The following ATXN1 variants were observed in gnomAD, a reference collection of about 807,000 sequenced individuals.
ATXN1 encodes the protein ataxin 1.
In ATXN1, 8 loss-of-function variants were observed where a neutral mutation model predicts 56.4. The ratio of observed to expected loss-of-function variants is 0.14; its 90% confidence interval spans 0.08 to 0.26. The LOEUF is 0.26. Ranked by LOEUF, ATXN1 falls within the 10% of genes least tolerant of loss-of-function variation. The pLI is 1.00. For synonymous variants in ATXN1, 514 were observed against 494.6 expected (o/e 1.04, Z -0.52); for missense variants, 987 against 1,106.5 (o/e 0.89, Z 1.53).
chr6:16,485,910 A>C (rs1317364832), intron 6 of ATXN1, 62 bp downstream of exon 6: 2 of 152,202 alleles, frequency 1.3e-5, no homozygotes, highest in African/African-American at 2.4e-5. Context: ...CGGTTACATC[A>C]AGTGATTCAT....
Position 16,374,899 on chromosome 6 carries a change from C to T in ATXN1, c.-160-46429G>A, listed in dbSNP as rs542791305. Among the ~76,000 whole-genome samples, 194 of 152,332 alleles carry T rather than the reference C, an allele frequency of 1.3e-3. 1 individual carries two copies. Among genetic ancestry groups the T allele is most frequent in the African/African-American group, 4.3e-3 (178 of 41,562 alleles). Reference sequence around the variant, plus strand: ...ACAAGAGGAGGGTATGGCATTAACCCGAGCCCCTGAATATGTCTAATTCTG... The same window carrying T: ...ACAAGAGGAGGGTATGGCATTAACCTGAGCCCCTGAATATGTCTAATTCTG... On this transcript the variant is annotated intron_variant, in intron 6 of 7. Transcript: ENST00000436367.
At position 16,683,735 on chromosome 6, in the gene ATXN1, G is replaced by A. The variant is rs142975616; in HGVS notation, c.-614-25834C>T. On this transcript the variant is annotated intron_variant, in intron 2 of 7. Coordinates refer to ENST00000436367, the MANE Select transcript of ATXN1 (RefSeq NM_001128164.2). ...ACAAACATGCTTGGCAACTAGTGCC[G>A]GAGGGTTAACCAGAGAGTTTTCTTC... Among the ~76,000 whole-genome samples the A allele has an allele frequency of 2.2e-3, 330 of 152,340 alleles. 2 individuals carry two copies. Among genetic ancestry groups the A allele is most frequent in the Admixed American group, 4.6e-3 (70 of 15,308 alleles).
chr6:16,513,518 C>T (rs1000477289), intron 5 of ATXN1, among the ~76,000 whole-genome samples: 4 of 152,138 alleles, frequency 2.6e-5, no homozygotes, highest in African/African-American at 9.7e-5. Flanking sequence ...TAAATATGCA[C>T]CTCCCCCGGA....
chr6:16,378,128 A>T (rs1762180021), intron 6 of ATXN1, among the ~76,000 whole-genome samples: 1 of 152,168 alleles, frequency 6.6e-6, no homozygotes. Flanking sequence ...CCCTTTGTCT[A>T]TGCCAGGTGG....
At chr6:16,573,560 C>T (rs755199319) in intron 4 of ATXN1, among the ~76,000 whole-genome samples, 4 of 152,140 alleles carry the variant, frequency 2.6e-5, no homozygotes, top group Non-Finnish European at 2.9e-5. Context: ...CACACAAACT[C>T]ACTGAGCCCC....
chr6:16,378,461 G>C (rs1381361827), intron 6 of ATXN1, among the ~76,000 whole-genome samples: 1 of 152,164 alleles, frequency 6.6e-6, no homozygotes. Context: ...GTAACTTGTG[G>C]AGCCAGGACT....
At chr6:16,461,834 G>A (rs1359896972) in intron 6 of ATXN1, among the ~76,000 whole-genome samples, 4 of 152,124 alleles carry the variant, frequency 2.6e-5, no homozygotes, top group African/African-American at 7.2e-5. Flanking sequence ...GAAGGCAAAC[G>A]AAACACTCAA....
chr6:16,649,095 C>G (rs1763851310), intron 3 of ATXN1, among the ~76,000 whole-genome samples: 1 of 152,068 alleles, frequency 6.6e-6, no homozygotes, highest in Non-Finnish European at 1.5e-5. Flanking sequence ...AATTCCTTGT[C>G]ACACGTACAA....
chr6:16,405,764 A>G (rs778110257), intron 6 of ATXN1, among the ~76,000 whole-genome samples: 17 of 152,150 alleles, frequency 1.1e-4, no homozygotes, highest in Non-Finnish European at 2.4e-4. Context: ...GACTTGCCTA[A>G]TATTTGTGCA....
chr6:16,463,639 A>G (rs975232267), intron 6 of ATXN1, among the ~76,000 whole-genome samples: 1 of 152,258 alleles, frequency 6.6e-6, no homozygotes, highest in Non-Finnish European at 1.5e-5. Flanking sequence ...GCACCTTCTT[A>G]GGAGAAGACT....
chr6:16,760,996 C>T lies in ATXN1; in HGVS notation c.-730+302G>A, dbSNP rs1761077554. 2 of 152,134 alleles carry T rather than the reference C, an allele frequency of 1.3e-5. No homozygotes were observed. Among genetic ancestry groups the T allele is most frequent in the Non-Finnish European group, 2.9e-5 (2 of 68,332 alleles). 9.4% of individuals were successfully genotyped at this position (152,134 alleles called of 1,614,324 possible). On this transcript the variant is annotated intron_variant, in intron 1 of 7. Coordinates refer to ENST00000436367, the MANE Select transcript of ATXN1 (RefSeq NM_001128164.2). The surrounding 1 kb of genome is among the most constrained non-coding windows in gnomAD (Gnocchi z 5.3). ...AGCCCCTGACAGCCCCCCCGCCGGC[C>T]GCCCCTGCGCCCAGAGTGGGGGTGT... is the stretch of plus-strand genomic sequence containing the variant.
At chr6:16,718,808 G>A (rs796325491) in intron 2 of ATXN1, among the ~76,000 whole-genome samples, 11 of 152,288 alleles carry the variant, frequency 7.2e-5, no homozygotes, top group African/African-American at 1.7e-4. Flanking sequence ...TGCATTGTAC[G>A]CACAGATGTG....
At position 16,469,035 on chromosome 6, in the gene ATXN1, G is replaced by A. The variant is rs765253098; in HGVS notation, c.-161+16937C>T. Among the ~76,000 whole-genome samples, 16 of 152,228 alleles carry A rather than the reference G, an allele frequency of 1.1e-4. No individual in the cohort carries two copies. In the East Asian group the frequency reaches 2.7e-3, roughly 26 times the overall value. ...AAATCTGCCAAAACTGTGCAACAGA[G>A]CTGGCCCTTGGCTGTCCAAACCTTC... On this transcript the variant is annotated intron_variant, in intron 6 of 7. Transcript: ENST00000436367.
At chr6:16,371,119 T>C (rs923972898) in intron 6 of ATXN1, among the ~76,000 whole-genome samples, 2 of 152,156 alleles carry the variant, frequency 1.3e-5, no homozygotes, top group African/African-American at 2.4e-5. Flanking sequence ...AAAGAATGGT[T>C]TGCAAAGCAA....
chr6:16,312,582 G>A (rs566078385), intron 7 of ATXN1, among the ~76,000 whole-genome samples: 6 of 152,056 alleles, frequency 3.9e-5, no homozygotes, highest in Admixed American at 6.5e-5. Flanking sequence ...TGGGCACGGT[G>A]GCTCACGCCT....
intron 4 of ATXN1, among the ~76,000 whole-genome samples, chr6:16,565,660 T>C (rs1482663712): frequency 6.6e-6 from 1 of 152,230 alleles, no homozygotes; most frequent in East Asian, 1.9e-4. Context: ...CAACAGAAAC[T>C]GCCTTTGCTA....
At chr6:16,443,140 C>G (rs1759552737) in intron 6 of ATXN1, among the ~76,000 whole-genome samples, 1 of 146,934 alleles carries the variant, frequency 6.8e-6, no homozygotes, top group Admixed American at 6.9e-5. Context: ...CAAGACTGTA[C>G]CACTGTACTC....
chr6:16,660,725 T>C (rs1005533277), intron 2 of ATXN1, among the ~76,000 whole-genome samples: 1 of 152,034 alleles, frequency 6.6e-6, no homozygotes, highest in African/African-American at 2.4e-5. Flanking sequence ...CCACTAAGTA[T>C]ATCTTTATTC....
rs12524151 is a variant in ATXN1 at position 16,305,637 on chromosome 6, A to T, written c.*692T>A. 19 of 152,818 alleles carry T rather than the reference A, an allele frequency of 1.2e-4. No homozygotes were observed. Among genetic ancestry groups the T allele is most frequent in the East Asian group, 3.9e-4 (2 of 5,188 alleles). The allele number at this position is 152,818 out of a possible 1,614,324, so 9.5% of individuals were successfully genotyped here. On this transcript the variant is annotated 3_prime_UTR_variant, in exon 8 of 8. Transcript: ENST00000436367. ...CATGTGGCAGTTGCTCTTTAAAAAA[A>T]ATATATATCAGTGCAGTCAGGCCCC...
Sources: allele counts gnomAD v4.1 joint callset (sites outside exome capture counted in the v4.1 genomes callset), GRCh38; gene constraint gnomAD v4.1.1; non-coding constraint Gnocchi (gnomAD v3.1); transcripts MANE v1.5; gene names NCBI Gene and HGNC (gene_info 2026-07-23, HGNC 2026-07-21).